The following CUBN variants were observed in gnomAD, a reference collection of about 807,000 sequenced individuals.
CUBN encodes the protein 460 kDa receptor.
CUBN carries 282 observed loss-of-function variants against 405.3 expected under a neutral mutation model. The ratio of observed to expected loss-of-function variants is 0.70; its 90% CI spans 0.63 to 0.77. The LOEUF (loss-of-function observed/expected upper bound fraction) is 0.77, where lower values mean the gene tolerates loss of function less well. Ranked by LOEUF, CUBN falls within the 30% of genes least tolerant of loss-of-function variation. The pLI, the probability that CUBN is intolerant of heterozygous loss-of-function variation, is 0.00. For synonymous variants in CUBN, 1,684 were observed against 1,617.0 expected (o/e 1.04, Z -0.99); for missense variants, 4,514 against 4,475.2 (o/e 1.01, Z -0.25).
Position 16,954,485 on chromosome 10 carries a change from C to T in CUBN, c.4759G>A (p.Ala1587Thr), listed in dbSNP as rs1180746593. ...LARTCGREQL[A>T]NPIVSSGNSL... Reference sequence around the variant, plus strand: ...TTTCCTGAGGAGACGATGGGGTTAGCCAGCTGCTCCCTTCCACACGTCCTG... The same window carrying T: ...TTTCCTGAGGAGACGATGGGGTTAGTCAGCTGCTCCCTTCCACACGTCCTG... The change falls in exon 32 of 67, where the codon GCT becomes ACT. Residue 1587 changes from alanine to threonine, a missense_variant. Coordinates refer to ENST00000377833, the MANE Select transcript of CUBN (RefSeq NM_001081.4). 3.1e-6 allele frequency: 5 copies of T among 1,614,094 alleles called. No individual in the cohort carries two copies. Among genetic ancestry groups the T allele is most frequent in the Non-Finnish European group, 4.2e-6 (5 of 1,180,034 alleles).
chr10:16,866,654 G>C (rs1218083955), intron 59 of CUBN, among the ~76,000 whole-genome samples: 1 of 152,180 alleles, frequency 6.6e-6, no homozygotes, highest in East Asian at 1.9e-4. Context: ...GAGTTTCACA[G>C]ATTGCTGCAG....
chr10:17,014,627 G>C (rs1398282107), intron 28 of CUBN, among the ~76,000 whole-genome samples: 1 of 152,198 alleles, frequency 6.6e-6, no homozygotes, highest in South Asian at 2.1e-4. Flanking sequence ...CTGGGTCTTC[G>C]ACCTAGATGC....
chr10:16,870,295 T>C (rs1055744700), intron 58 of CUBN, among the ~76,000 whole-genome samples: 3 of 152,242 alleles, frequency 2.0e-5, no homozygotes, highest in African/African-American at 7.2e-5. Flanking sequence ...CATGTTAATA[T>C]AATAGAAGAA....
intron 36 of CUBN, among the ~76,000 whole-genome samples, chr10:16,944,228 T>C (rs1221659713): frequency 6.6e-6 from 1 of 152,196 alleles, no homozygotes; most frequent in Non-Finnish European, 1.5e-5. Context: ...GACAACTGCA[T>C]GTAATTTACC....
chr10:17,084,298 C>G lies in CUBN; in HGVS notation c.2274G>C (p.Gln758His). 6.2e-7 allele frequency: 1 copy of G among 1,614,114 alleles called. No homozygotes were observed. The highest frequency in any genetic ancestry group is 8.5e-7 in the Non-Finnish European group (1 of 1,180,022). ...INFTHVELQC[Q>H]SDSSQNYIEV... ...CAATGTAATTCTGAGAACTGTCACT[C>G]TGGCATTGCAGCTCCACGTGGGTGA... Residue 758 changes from glutamine (Q) to histidine (H), a missense_variant, in exon 17 of 67, where the codon CAG becomes CAC. Transcript: ENST00000377833.
rs868257847 is a variant in CUBN at position 17,104,520 on chromosome 10, T to C, written c.1316A>G (p.Asn439Ser). ...ACAAGTTCCTCCATTCAAACAGGGG[T>C]TGCTCAAACACTCATTGATGTTTTC... ...CTENINECLS[N>S]PCLNGGTCVD... Residue 439 changes from asparagine (N) to serine (S), a missense_variant, in exon 12 of 67, where the codon AAC becomes AGC. Transcript: ENST00000377833. The C allele has an allele frequency of 1.2e-6, 2 of 1,613,796 alleles. No individual in the cohort carries two copies. Among genetic ancestry groups the C allele is most frequent in the South Asian group, 1.1e-5 (1 of 91,074 alleles).
chr10:16,997,011 G>C (rs1833752991), intron 28 of CUBN, among the ~76,000 whole-genome samples: 1 of 152,198 alleles, frequency 6.6e-6, no homozygotes, highest in African/African-American at 2.4e-5. Context: ...ATGTTCACGT[G>C]CTTCATTAAA....
rs1177728684 is a variant in CUBN at position 16,841,048 on chromosome 10, C to T, written c.9664-1G>A. On this transcript the variant is annotated splice_acceptor_variant, in intron 60 of 66. Transcript: ENST00000377833. LOFTEE classifies it high-confidence loss of function. ...CATTTTCACTATCCCCATCATATAA[C>T]TGAGAAGAAAAACAATTCATTACTT... 6.2e-7 allele frequency: 1 copy of T among 1,613,948 alleles called. No homozygotes were observed. The highest frequency in any genetic ancestry group is 1.7e-5 in the Admixed American group (1 of 60,010).
intron 62 of CUBN, among the ~76,000 whole-genome samples, chr10:16,840,001 G>A (rs1041004406): frequency 2.0e-5 from 3 of 149,330 alleles, no homozygotes; most frequent in African/African-American, 7.4e-5. Context: ...TCACTCATAG[G>A]TGGGAATTGA....
rs148195635 is a variant in CUBN, at chr10:16,914,419, C to T, written c.7352-427G>A. On this transcript the variant is annotated intron_variant, in intron 47 of 66. Transcript: ENST00000377833. ...AATAAAAATACAAAAATTAGCCGGG[C>T]GTCGTGGCGTGCGCCTGTAATCTCA... 1.3e-3 allele frequency among the ~76,000 whole-genome samples: 200 copies of T among 152,144 alleles called. 3 individuals carry two copies. In the East Asian group the frequency reaches 0.035, roughly 26 times the overall value.
Position 17,068,236 on chromosome 10 carries a change from G to T in CUBN, c.2836C>A (p.Pro946Thr). The T allele has an allele frequency of 6.2e-7, 1 of 1,613,648 alleles. No homozygotes were observed. The highest frequency in any genetic ancestry group is 1.1e-5 in the South Asian group (1 of 91,062). Reference sequence around the variant, plus strand: ...TGGGGGTAGACATTTGGATGGCCAGGACTTTGAATGGTCCCTGTTGATTCT... The same window carrying T: ...TGGGGGTAGACATTTGGATGGCCAGTACTTTGAATGGTCCCTGTTGATTCT... ...LTESTGTIQS[P>T]GHPNVYPHGI... Residue 946 changes from proline (P) to threonine (T), a missense_variant, in exon 21 of 67, where the codon CCT becomes ACT. Around this residue, in one of 5 missense-constraint regions of CUBN, gnomAD observed 1,448 missense variants for 1,388.0 expected, o/e 1.04. Coordinates refer to ENST00000377833, the MANE Select transcript of CUBN (RefSeq NM_001081.4).
intron 31 of CUBN, among the ~76,000 whole-genome samples, chr10:16,969,372 T>TC (rs1401705847): frequency 6.6e-6 from 1 of 151,784 alleles, no homozygotes; most frequent in African/African-American, 2.4e-5. Context: ...TTTTTTTTTT[T>TC]TTAGATGGAG....
chr10:16,944,392 C>T (rs975941508), intron 36 of CUBN, among the ~76,000 whole-genome samples: 1 of 152,144 alleles, frequency 6.6e-6, no homozygotes, highest in East Asian at 1.9e-4. Flanking sequence ...TATTTCTCCC[C>T]GTTCCTTTTT....
At chr10:17,037,501 C>T (rs1226151258) in intron 27 of CUBN, among the ~76,000 whole-genome samples, 2 of 151,930 alleles carry the variant, frequency 1.3e-5, no homozygotes, top group African/African-American at 4.8e-5. Context: ...TACAATAAAC[C>T]CCATTTAACT....
intron 60 of CUBN, among the ~76,000 whole-genome samples, chr10:16,847,678 A>G (rs1390089301): frequency 3.9e-5 from 6 of 152,148 alleles, no homozygotes; most frequent in African/African-American, 1.4e-4. Context: ...AACTCCTGCA[A>G]TGGATGCGAT....
intron 48 of CUBN, among the ~76,000 whole-genome samples, chr10:16,909,803 G>A (rs1841669045): frequency 6.6e-6 from 1 of 152,186 alleles, no homozygotes; most frequent in Non-Finnish European, 1.5e-5. Flanking sequence ...TAGGAAGCAG[G>A]CACGTGAGAT....
intron 7 of CUBN, among the ~76,000 whole-genome samples, chr10:17,114,497 T>C (rs1385139952): frequency 1.3e-5 from 2 of 152,196 alleles, no homozygotes; most frequent in Admixed American, 1.3e-4. Flanking sequence ...GCTATGTTTT[T>C]AGAGGGAAAA....
In CUBN at chr10:17,019,932, G is replaced by T. The variant is rs780012075; in HGVS notation, c.4069C>A (p.Pro1357Thr). Residue 1357 changes from proline (P) to threonine (T), a missense_variant, in exon 28 of 67, where the codon CCT (proline) becomes ACT (threonine). Physicochemically the swap from Pro to Thr is conservative, Grantham distance 38. Around this residue, in one of 5 missense-constraint regions of CUBN, gnomAD observed 242 missense variants for 309.0 expected, o/e 0.78. Coordinates refer to ENST00000377833, the MANE Select transcript of CUBN (RefSeq NM_001081.4). ...TTGGAGCTTGTAGTACTCCCTGGAG[G>T]GGGCAGGTCTACTCCACAGTAGCGT... ...MGRYCGVDLP[P>T]PGSTTSSKLQ... 6.2e-7 allele frequency: 1 copy of T among 1,614,120 alleles called. No homozygotes were observed. The highest frequency in any genetic ancestry group is 1.7e-5 in the Admixed American group (1 of 60,018).
At chr10:17,045,843 TG>T in intron 24 of CUBN, 90 bp downstream of exon 24, 2 of 1,317,524 alleles carry the variant, frequency 1.5e-6, no homozygotes, top group Non-Finnish European at 2.2e-6. Context: ...TGGGCAAACA[TG>T]GACAAGTGAG....
Sources: allele counts gnomAD v4.1 joint callset (sites outside exome capture counted in the v4.1 genomes callset), GRCh38; gene constraint gnomAD v4.1.1; regional missense constraint gnomAD v4.1.1; transcripts MANE v1.5; gene names NCBI Gene and HGNC (gene_info 2026-07-23, HGNC 2026-07-21).